Variants in CTNNA2 observed in about 807,000 individuals in gnomAD.
The protein encoded by CTNNA2 is catenin alpha 2.
Under a neutral mutation model 101.0 loss-of-function variants are expected in CTNNA2, and 42 were observed. The ratio of observed to expected loss-of-function variants is 0.42; its 90% CI spans 0.32 to 0.54. The LOEUF is 0.54. CTNNA2 is among the 20% of genes least tolerant of loss of function. The pLI is 0.14. For missense variants in CTNNA2, 871 were observed against 1,223.1 expected (o/e 0.71, Z 4.29); for synonymous variants, 450 against 456.4 (o/e 0.99, Z 0.18).
intron 1 of CTNNA2, among the ~76,000 whole-genome samples, chr2:79,530,940 T>C (rs1390913861): frequency 6.6e-6 from 1 of 151,944 alleles, no homozygotes; most frequent in African/African-American, 2.4e-5. Flanking sequence ...GGTCTTAGAA[T>C]TTTAACACTT....
intron 2 of CTNNA2, among the ~76,000 whole-genome samples, chr2:79,699,660 A>G (rs1299467239): frequency 1.3e-5 from 2 of 151,458 alleles, no homozygotes; most frequent in Non-Finnish European, 2.9e-5. Context: ...TAGACATCCC[A>G]ACAGTACCTT....
intron 7 of CTNNA2, among the ~76,000 whole-genome samples, chr2:79,999,137 T>A (rs768040481): frequency 6.6e-6 from 1 of 152,004 alleles, no homozygotes; most frequent in African/African-American, 2.4e-5. Flanking sequence ...GTTTTAGAGA[T>A]TGAGATCTGG....
chr2:79,218,340 TGTGTGTGTGTA>T (rs1379438713), intron 2 of CTNNA2, among the ~76,000 whole-genome samples: 98 of 80,624 alleles, frequency 1.2e-3, no homozygotes, highest in Non-Finnish European at 2.0e-3. Flanking sequence ...TGTGTGTGTG[TGTGTGTGTGTA>T]TTTTTTTTTT....
chr2:80,087,172 T>C (rs1699495094), intron 7 of CTNNA2, among the ~76,000 whole-genome samples: 2 of 152,000 alleles, frequency 1.3e-5, no homozygotes, highest in African/African-American at 2.4e-5. Context: ...TCAGCAATTA[T>C]AGCCTTGCAA....
At chr2:79,477,175 T>C (rs563306844) in intron 4 of CTNNA2, among the ~76,000 whole-genome samples, 107 of 148,382 alleles carry the variant, frequency 7.2e-4, no homozygotes, top group Non-Finnish European at 1.2e-3. Context: ...TTTCTTTTTT[T>C]TTTTTTTGTT....
intron 7 of CTNNA2, among the ~76,000 whole-genome samples, chr2:80,239,431 GT>G (rs1709722940): frequency 1.3e-5 from 2 of 152,140 alleles, no homozygotes; most frequent in Admixed American, 1.3e-4. Flanking sequence ...AAATATATTT[GT>G]TAAGTTGAAG....
At chr2:79,756,140 C>T (rs1162222462) in intron 3 of CTNNA2, among the ~76,000 whole-genome samples, 1 of 151,522 alleles carries the variant, frequency 6.6e-6, no homozygotes, top group Non-Finnish European at 1.5e-5. Context: ...GCATATTATT[C>T]TTTCACCTGA....
intron 7 of CTNNA2, among the ~76,000 whole-genome samples, chr2:80,325,964 G>A (rs904399245): frequency 7.9e-5 from 12 of 152,120 alleles, no homozygotes; most frequent in Admixed American, 5.2e-4. Flanking sequence ...GTGATTCTCC[G>A]TCCAGCGGTC....
intron 7 of CTNNA2, among the ~76,000 whole-genome samples, chr2:80,025,075 C>T (rs1460901006): frequency 1.3e-5 from 2 of 152,174 alleles, no homozygotes; most frequent in Non-Finnish European, 2.9e-5. Context: ...CCTCTGAAGT[C>T]AAGCTGCTTC....
rs1318050768 is a variant in CTNNA2 at position 79,982,222 on chromosome 2, A to G, written c.1056+72425A>G. Reference sequence around the variant, plus strand: ...TATATATATATATATATATATATATATATATATATATATATATATGTATGT... The same window carrying G: ...TATATATATATATATATATATATATGTATATATATATATATATATGTATGT... On this transcript the variant is annotated intron_variant, in intron 7 of 18. Coordinates refer to ENST00000402739, the MANE Select transcript of CTNNA2 (RefSeq NM_001282597.3). Among the ~76,000 whole-genome samples, 693 of 89,996 alleles carry G rather than the reference A, an allele frequency of 7.7e-3. 40 individuals carry two copies. Among genetic ancestry groups the G allele is most frequent in the African/African-American group, 0.032 (659 of 20,484 alleles). The allele number at this position is 89,996 out of a possible 152,430, so 59.0% of individuals were successfully genotyped here.
At chr2:80,632,093 CATAAG>C (rs1333898306) in intron 18 of CTNNA2, among the ~76,000 whole-genome samples, 3 of 152,106 alleles carry the variant, frequency 2.0e-5, no homozygotes, top group Non-Finnish European at 1.5e-5. Flanking sequence ...ACCAAGGAAA[CATAAG>C]AGAATCCTTC....
intron 18 of CTNNA2, among the ~76,000 whole-genome samples, chr2:80,638,297 T>G (rs1673083997): frequency 6.7e-6 from 1 of 148,962 alleles, no homozygotes; most frequent in Non-Finnish European, 1.5e-5. Flanking sequence ...ACATAAGGAC[T>G]GTCTGCCCAA....
chr2:80,282,059 G>A (rs910684631), intron 7 of CTNNA2, among the ~76,000 whole-genome samples: 1 of 151,910 alleles, frequency 6.6e-6, no homozygotes, highest in Non-Finnish European at 1.5e-5. Context: ...TGTTTCTTAT[G>A]AAGTGATCCA....
chr2:79,689,490 A>G (rs1006385674), intron 2 of CTNNA2, among the ~76,000 whole-genome samples: 3 of 152,058 alleles, frequency 2.0e-5, no homozygotes, highest in African/African-American at 7.2e-5. Flanking sequence ...TTCTTCTCAC[A>G]GCAAAGAAAA....
intron 1 of CTNNA2, among the ~76,000 whole-genome samples, chr2:79,556,932 A>G (rs540595811): frequency 3.7e-4 from 56 of 152,026 alleles, no homozygotes; most frequent in African/African-American, 1.3e-3. Context: ...ATCTTTTTCT[A>G]TCTCCTGAGT....
intron 7 of CTNNA2, among the ~76,000 whole-genome samples, chr2:79,939,941 A>G (rs1367910226): frequency 6.6e-6 from 1 of 152,084 alleles, no homozygotes; most frequent in African/African-American, 2.4e-5. Flanking sequence ...AAAAATACAA[A>G]ATTAGCTGGG....
chr2:80,434,604 C>T (rs78823351), intron 9 of CTNNA2, among the ~76,000 whole-genome samples: 5,128 of 150,764 alleles, frequency 0.034, 141 homozygotes, highest in East Asian at 0.13. Context: ...CAGGTGATCC[C>T]TTCTGGGTAG....
At chr2:79,248,080 G>C (rs1674721016) in intron 2 of CTNNA2, among the ~76,000 whole-genome samples, 1 of 152,190 alleles carries the variant, frequency 6.6e-6, no homozygotes, top group African/African-American at 2.4e-5. Flanking sequence ...ACAGGAGTTT[G>C]TCAGAGCCTG....
intron 2 of CTNNA2, among the ~76,000 whole-genome samples, chr2:79,682,624 A>G (rs7594916): frequency 1.3e-5 from 2 of 151,916 alleles, no homozygotes; most frequent in Admixed American, 6.6e-5. Context: ...TGAGTCATGA[A>G]ATATAAGGGG....
Sources: gnomAD v4.1 joint callset for allele counts (sites outside exome capture counted in the v4.1 genomes callset) on GRCh38, gnomAD v4.1.1 for gene constraint, MANE v1.5 for transcripts, NCBI Gene and HGNC (gene_info 2026-07-23, HGNC 2026-07-21) for gene names.